Variants in NPL observed in about 807,000 individuals in gnomAD.
NPL encodes N-acetylneuraminate pyruvate lyase, also known as N-acetylneuraminate lyase.
Under a neutral mutation model 41.1 loss-of-function variants are expected in NPL, and 32 were observed. That is an observed-to-expected ratio of 0.78 (90% CI 0.59 to 1.05). The LOEUF (loss-of-function observed/expected upper bound fraction) is 1.05. Ranked by LOEUF, NPL falls within the 50% of genes least tolerant of loss-of-function variation. The probability of loss-of-function intolerance (pLI) is 0.00; values close to 1 mark genes in which losing one functional copy is unlikely to be tolerated. For missense variants in NPL, 321 were observed against 378.4 expected (o/e 0.85, Z 1.26); for synonymous variants, 128 against 134.9 (o/e 0.95, Z 0.35).
intron 8 of NPL, 99 bp from the exon 9 acceptor site, chr1:182,818,442 A>T: frequency 6.7e-7 from 1 of 1,485,628 alleles, no homozygotes; most frequent in Non-Finnish European, 9.3e-7. Context: ...GTTCTGGCTG[A>T]CAGCAGCGTG....
intron 3 of NPL, among the ~76,000 whole-genome samples, chr1:182,802,854 A>G (rs1450669621): frequency 2.0e-5 from 3 of 152,202 alleles, no homozygotes; most frequent in Non-Finnish European, 4.4e-5. Flanking sequence ...TGCAGATCAC[A>G]CGGCGATCTT....
intron 9 of NPL, 26 bp from the exon 10 acceptor site, chr1:182,818,787 A>G: frequency 6.2e-7 from 1 of 1,613,922 alleles, no homozygotes; most frequent in Non-Finnish European, 8.5e-7. Flanking sequence ...TTTTTATACA[A>G]GTGAATATTT....
chr1:182,796,596 C>A (rs1666673741), intron 3 of NPL, among the ~76,000 whole-genome samples: 1 of 152,170 alleles, frequency 6.6e-6, no homozygotes, highest in South Asian at 2.1e-4. Context: ...AACAATTCAG[C>A]TTTCTGCATA....
In NPL at chr1:182,829,173, G is replaced by T; in HGVS notation, c.*265G>T. On this transcript the variant is annotated 3_prime_UTR_variant, in exon 13 of 13. Coordinates refer to ENST00000367553, the MANE Select transcript of NPL (RefSeq NM_030769.3). ...GTTTATATGGATGAAATGGAATCAAGAGGAAAATTGTAATTGATTAATTCC... is the reference window on the plus strand; with the variant it reads ...GTTTATATGGATGAAATGGAATCAATAGGAAAATTGTAATTGATTAATTCC... 7.6e-7 allele frequency: 1 copy of T among 1,315,572 alleles called. No homozygotes were observed. The highest frequency in any genetic ancestry group is 9.7e-7 in the Non-Finnish European group (1 of 1,033,278). 81.5% of individuals were successfully genotyped at this position (1,315,572 alleles called of 1,614,324 possible).
chr1:182,793,876 G>A (rs1666583040), intron 2 of NPL, among the ~76,000 whole-genome samples: 1 of 152,052 alleles, frequency 6.6e-6, no homozygotes, highest in Non-Finnish European at 1.5e-5. Flanking sequence ...AACCAAATAC[G>A]GATAGAAAAT....
At chr1:182,796,166 C>CAAAAAAA (rs11419574) in intron 3 of NPL, among the ~76,000 whole-genome samples, 23 of 103,210 alleles carry the variant, frequency 2.2e-4, no homozygotes, top group African/African-American at 3.2e-4. Flanking sequence ...GGTGTGAAAT[C>CAAAAAAA]AAAAAAAAAA....
rs1667729632 is a variant in NPL, at chr1:182,830,145, A to C, written c.*1237A>C. 1 of 152,438 alleles carries C rather than the reference A, an allele frequency of 6.6e-6. No homozygotes were observed. The highest frequency in any genetic ancestry group is 1.5e-5 in the Non-Finnish European group (1 of 68,196). 9.4% of individuals were successfully genotyped at this position (152,438 alleles called of 1,614,324 possible). On this transcript the variant is annotated 3_prime_UTR_variant, in exon 13 of 13. Coordinates refer to ENST00000367553, the MANE Select transcript of NPL (RefSeq NM_030769.3). Reference sequence around the variant, plus strand: ...TTCAAAATGGAAATTTGAAATTATAAGTAGACTTCAATTATCTTTGCTAAT... The same window carrying C: ...TTCAAAATGGAAATTTGAAATTATACGTAGACTTCAATTATCTTTGCTAAT...
chr1:182,822,065 C>A, intron 10 of NPL, 50 bp from the exon 11 acceptor site: 1 of 1,173,584 alleles, frequency 8.5e-7, no homozygotes, highest in Non-Finnish European at 1.3e-6. Context: ...AAGATCTGGA[C>A]CTTTCCTGTT....
At chr1:182,807,865 T>C (rs1033251889) in intron 5 of NPL, among the ~76,000 whole-genome samples, 12 of 138,812 alleles carry the variant, frequency 8.6e-5, no homozygotes, top group African/African-American at 3.4e-4. Flanking sequence ...CACTCCAGCC[T>C]GAGTGACAGA....
intron 2 of NPL, among the ~76,000 whole-genome samples, chr1:182,793,044 C>A (rs1206722484): frequency 6.6e-6 from 1 of 152,172 alleles, no homozygotes; most frequent in Non-Finnish European, 1.5e-5. Flanking sequence ...TGTTGGTCAC[C>A]TACAGACATC....
chr1:182,801,070 A>AT (rs1038669720), intron 3 of NPL, among the ~76,000 whole-genome samples: 5 of 151,990 alleles, frequency 3.3e-5, no homozygotes, highest in Non-Finnish European at 5.9e-5. Context: ...TCAAATACTC[A>AT]TTTTTTTAAA....
At chr1:182,793,646 C>A (rs552689056) in intron 2 of NPL, among the ~76,000 whole-genome samples, 2 of 152,046 alleles carry the variant, frequency 1.3e-5, no homozygotes, top group South Asian at 2.1e-4. Context: ...CAAAACTGGG[C>A]AAAATTAGGA....
chr1:182,817,951 C>T lies in NPL; in HGVS notation c.458-590C>T, dbSNP rs573074043. Among the ~76,000 whole-genome samples the T allele has an allele frequency of 1.1e-4, 17 of 152,264 alleles. No individual in the cohort carries two copies. In the South Asian group the frequency reaches 3.5e-3, roughly 32 times the overall value. On this transcript the variant is annotated intron_variant, in intron 8 of 12. Transcript: ENST00000367553. ...TACCTCATTGGCCATGGGTGATCAG[C>T]TCAATCTTTAGCCCGGCTTTCCTCC...
Position 182,829,693 on chromosome 1 carries a change from C to G in NPL, c.*785C>G. On this transcript the variant is annotated 3_prime_UTR_variant, in exon 13 of 13. Coordinates refer to ENST00000367553, the MANE Select transcript of NPL (RefSeq NM_030769.3). ...TTCCTCCACTGAGAAGACTGTCTCT[C>G]CCGCAGGACCCTGAATTATTGAAAT... 1 of 1,423,226 alleles carries G rather than the reference C, an allele frequency of 7.0e-7. No individual in the cohort carries two copies. Among genetic ancestry groups the G allele is most frequent in the Non-Finnish European group, 9.7e-7 (1 of 1,030,686 alleles). 88.2% of individuals were successfully genotyped at this position (1,423,226 alleles called of 1,614,324 possible). A position where few individuals can be genotyped will look rare whatever the true frequency, so the allele number is the denominator to read the frequency against.
At chr1:182,821,576 T>C (rs1667487686) in intron 10 of NPL, among the ~76,000 whole-genome samples, 1 of 152,236 alleles carries the variant, frequency 6.6e-6, no homozygotes, top group African/African-American at 2.4e-5. Flanking sequence ...CAAGCACCTA[T>C]AATATAATAG....
chr1:182,797,404 CAG>C (rs1233789772), intron 3 of NPL, among the ~76,000 whole-genome samples: 4 of 152,190 alleles, frequency 2.6e-5, no homozygotes, highest in African/African-American at 9.7e-5. Context: ...TGCATTTTAA[CAG>C]TGTCCCAGAT....
rs1283125860 is a variant in NPL, at chr1:182,829,572, T to C, written c.*664T>C. 2 of 1,538,466 alleles carry C rather than the reference T, an allele frequency of 1.3e-6. No individual in the cohort carries two copies. Among genetic ancestry groups the C allele is most frequent in the East Asian group, 2.4e-5 (1 of 40,850 alleles). ...CAAAGGAAAAAGTCTTCCCCAAAGATGAATTTAAGTCTCCACTTTTTTCTA... is the reference window on the plus strand; with the variant it reads ...CAAAGGAAAAAGTCTTCCCCAAAGACGAATTTAAGTCTCCACTTTTTTCTA... On this transcript the variant is annotated 3_prime_UTR_variant, in exon 13 of 13. Transcript: ENST00000367553.
chr1:182,807,242 G>A (rs900968517), intron 5 of NPL, among the ~76,000 whole-genome samples: 18 of 152,078 alleles, frequency 1.2e-4, no homozygotes, highest in African/African-American at 4.1e-4. Context: ...CTGACCATCC[G>A]GTAGGGGTGT....
At chr1:182,819,707 A>G (rs999872499) in intron 10 of NPL, among the ~76,000 whole-genome samples, 5 of 152,230 alleles carry the variant, frequency 3.3e-5, no homozygotes, top group South Asian at 4.1e-4. Context: ...AATTGAGCAC[A>G]TGCACAGGGC....
Sources: allele counts gnomAD v4.1 joint callset (sites outside exome capture counted in the v4.1 genomes callset), GRCh38; gene constraint gnomAD v4.1.1; transcripts MANE v1.5; gene names NCBI Gene and HGNC (gene_info 2026-07-23, HGNC 2026-07-21).